Variants in WNT9B observed in about 807,000 individuals in gnomAD.
WNT9B encodes Wnt family member 9B.
WNT9B carries 12 observed loss-of-function variants against 30.2 expected under a neutral mutation model. The observed-to-expected ratio is 0.40, with a 90% CI of 0.26 to 0.64. The LOEUF (loss-of-function observed/expected upper bound fraction) is 0.64. Ranked by LOEUF, WNT9B falls within the 30% of genes least tolerant of loss-of-function variation. The pLI, the probability that WNT9B is intolerant of heterozygous loss-of-function variation, is 0.42. For synonymous variants in WNT9B, 218 were observed against 216.9 expected (o/e 1.01, Z -0.05); for missense variants, 442 against 485.2 (o/e 0.91, Z 0.84).
At chr17:46,837,593 C>T (rs1234967339) in intron 1 of WNT9B, among the ~76,000 whole-genome samples, 2 of 152,150 alleles carry the variant, frequency 1.3e-5, no homozygotes, top group Non-Finnish European at 2.9e-5. Context: ...AGGTCATAGT[C>T]CTAATAAACG....
chr17:46,864,412 C>T (rs879408475), intron 1 of WNT9B, among the ~76,000 whole-genome samples: 3 of 152,196 alleles, frequency 2.0e-5, no homozygotes, highest in African/African-American at 7.2e-5. Context: ...AGTATGTTCT[C>T]AAGCACTGGT....
In WNT9B at chr17:46,879,503, TA is replaced by T. The variant is rs1274652777; in HGVS notation, c.*2788del. Among the ~76,000 whole-genome samples the T allele has an allele frequency of 1.1e-4, 17 of 152,366 alleles. No homozygotes were observed. Among genetic ancestry groups the T allele is most frequent in the African/African-American group, 4.1e-4 (17 of 41,586 alleles). On this transcript the variant is annotated 3_prime_UTR_variant, in exon 4 of 4. Coordinates refer to ENST00000290015, the MANE Select transcript of WNT9B (RefSeq NM_003396.3). ...CGAGAATTCCCACACCTGGCATTTG[TA>T]AAGCACTTTGCTATTTAGAAACAAA...
chr17:46,874,381 G>A (rs2146606151), intron 2 of WNT9B, among the ~76,000 whole-genome samples: 1 of 152,258 alleles, frequency 6.6e-6, no homozygotes. Flanking sequence ...CATCCAAATG[G>A]TCATACACCG....
upstream of WNT9B, among the ~76,000 whole-genome samples, chr17:46,850,980 C>T (rs982940187): frequency 2.6e-5 from 4 of 152,232 alleles, no homozygotes; most frequent in Non-Finnish European, 4.4e-5. Context: ...AAAAACAGAG[C>T]GCCCTTTCCT....
chr17:46,876,679 A>G lies in WNT9B; in HGVS notation c.1035A>G (p.Gln345=), dbSNP rs1341067837. 1.3e-6 allele frequency: 2 copies of G among 1,587,776 alleles called. No homozygotes were observed. Among genetic ancestry groups the G allele is most frequent in the East Asian group, 2.2e-5 (1 of 44,524 alleles). ...VQWCCYVECQ[Q]CVQEELVYTC... is the part of the protein sequence containing the mutation. ...GGTGCTGCTACGTGGAGTGCCAGCAATGTGTGCAGGAGGAGCTTGTGTACA... is the reference window on the plus strand; with the variant it reads ...GGTGCTGCTACGTGGAGTGCCAGCAGTGTGTGCAGGAGGAGCTTGTGTACA... Residue 345 remains glutamine, a synonymous_variant, in exon 4 of 4, where the codon CAA becomes CAG. Coordinates refer to ENST00000290015, the MANE Select transcript of WNT9B (RefSeq NM_003396.3).
rs1336533277 is a variant in WNT9B, at chr17:46,880,157, T to A, written c.*3439T>A. On this transcript the variant is annotated 3_prime_UTR_variant, in exon 4 of 4. Transcript: ENST00000290015. The stretch of plus-strand genomic sequence containing the variant: ...GACAGGATGCCCCAAGTGCCCCCGT[T>A]GCTCATGGATGCCCCTGCCTGCCTC... 1.3e-5 allele frequency among the ~76,000 whole-genome samples: 2 copies of A among 152,200 alleles called. No homozygotes were observed. Among genetic ancestry groups the A allele is most frequent in the Non-Finnish European group, 1.5e-5 (1 of 68,040 alleles).
chr17:46,860,911 T>C (rs956781443), intron 1 of WNT9B, among the ~76,000 whole-genome samples: 1 of 152,192 alleles, frequency 6.6e-6, no homozygotes, highest in Non-Finnish European at 1.5e-5. Flanking sequence ...CAGACTAGAG[T>C]GCAATGGCTT....
chr17:46,867,661 T>G (rs1344437332), intron 1 of WNT9B, among the ~76,000 whole-genome samples: 1 of 152,188 alleles, frequency 6.6e-6, no homozygotes, highest in Non-Finnish European at 1.5e-5. Context: ...TCCTTCAAGG[T>G]CACCCCAGCG....
chr17:46,863,227 A>G (rs1036298746), intron 1 of WNT9B, among the ~76,000 whole-genome samples: 5 of 152,226 alleles, frequency 3.3e-5, no homozygotes, highest in African/African-American at 1.2e-4. Context: ...GCAGCCAGAG[A>G]GCAAGACCAC....
At chr17:46,834,096 G>C (rs1285280284) in intron 1 of WNT9B, among the ~76,000 whole-genome samples, 1 of 152,168 alleles carries the variant, frequency 6.6e-6, no homozygotes, top group Non-Finnish European at 1.5e-5. Context: ...TCGGGAGGCT[G>C]AGGGGAGAGG....
chr17:46,863,284 C>T (rs895508796), intron 1 of WNT9B, among the ~76,000 whole-genome samples: 18 of 152,176 alleles, frequency 1.2e-4, no homozygotes, highest in Admixed American at 3.3e-4. Context: ...GGGACAGCCC[C>T]GAACTGCACT....
At chr17:46,850,538 T>C (rs1455405866), upstream of WNT9B, among the ~76,000 whole-genome samples, 1 of 152,090 alleles carries the variant, frequency 6.6e-6, no homozygotes, top group Non-Finnish European at 1.5e-5. Context: ...GCATGGCTGA[T>C]TTTTTGGAAA....
rs1194151516 is a variant in WNT9B at position 46,842,335 on chromosome 17, G to T, written c.95+8895G>T. Among the ~76,000 whole-genome samples, 4 of 152,154 alleles carry T rather than the reference G, an allele frequency of 2.6e-5. No homozygotes were observed. In the South Asian group the frequency reaches 8.3e-4, roughly 32 times the overall value. The stretch of plus-strand genomic sequence containing the variant: ...TATCATTCCTAGGGCAGGGGCTGCT[G>T]CTCTACAACCTCAGGGTTACAGTTA... On this transcript the variant is annotated intron_variant, in intron 1 of 2. Coordinates refer to the WNT9B transcript ENST00000575372.
intron 1 of WNT9B, among the ~76,000 whole-genome samples, chr17:46,854,381 A>G (rs2146548686): frequency 6.6e-6 from 1 of 152,334 alleles, no homozygotes; most frequent in Middle Eastern, 3.4e-3. Flanking sequence ...TGATAAGAGA[A>G]TATGCAAACA....
chr17:46,880,667 G>T (rs2085411059), downstream of WNT9B, among the ~76,000 whole-genome samples: 1 of 152,196 alleles, frequency 6.6e-6, no homozygotes, highest in South Asian at 2.1e-4. Context: ...ATTGCAACTG[G>T]CAGGCAGTGG....
In WNT9B at chr17:46,880,509, C is replaced by T. The variant is rs1375824885; in HGVS notation, c.*3791C>T. Among the ~76,000 whole-genome samples, 3 of 152,222 alleles carry T rather than the reference C, an allele frequency of 2.0e-5. No individual in the cohort carries two copies. The highest frequency in any genetic ancestry group is 4.4e-5 in the Non-Finnish European group (3 of 68,044). On this transcript the variant is annotated 3_prime_UTR_variant, in exon 4 of 4. Transcript: ENST00000290015. ...GTCTCTGCCTCATGGGGCTGACATCCTAGTGGGTGAGAAAGACAATAAACC... is the reference window on the plus strand; with the variant it reads ...GTCTCTGCCTCATGGGGCTGACATCTTAGTGGGTGAGAAAGACAATAAACC...
At chr17:46,851,465 G>A (rs1266946116), upstream of WNT9B, 3 of 333,796 alleles carry the variant, frequency 9.0e-6, no homozygotes, top group Non-Finnish European at 1.6e-5. This position sits in a 1 kb window ranked among gnomAD's most constrained non-coding sequence, Gnocchi z 4.3. Context: ...AGGGCGGTGG[G>A]GCCAATGGGG....
chr17:46,882,085 G>A (rs2085430374), downstream of WNT9B, among the ~76,000 whole-genome samples: 4 of 152,206 alleles, frequency 2.6e-5, no homozygotes, highest in South Asian at 6.2e-4. Flanking sequence ...GAGCCCAGGA[G>A]TTCGAGGATA....
intron 1 of WNT9B, among the ~76,000 whole-genome samples, chr17:46,856,239 A>G (rs2084936006): frequency 6.6e-6 from 1 of 152,162 alleles, no homozygotes; most frequent in Non-Finnish European, 1.5e-5. Context: ...GCTTTGGGTT[A>G]TGAGAATACC....
Sources: allele counts gnomAD v4.1 joint callset (sites outside exome capture counted in the v4.1 genomes callset), GRCh38; gene constraint gnomAD v4.1.1; non-coding constraint Gnocchi (gnomAD v3.1); transcripts MANE v1.5; gene names NCBI Gene and HGNC (gene_info 2026-07-23, HGNC 2026-07-21).